The following PPARGC1B variants were observed in gnomAD, a reference collection of about 807,000 sequenced individuals.
PPARGC1B encodes the protein PPARG coactivator 1 beta, also known as peroxisome proliferator-activated receptor gamma coactivator 1-beta.
Under a neutral mutation model 101.6 loss-of-function variants are expected in PPARGC1B, and 34 were observed. That is an observed-to-expected ratio of 0.33 (90% CI 0.25 to 0.45). The LOEUF is 0.45. PPARGC1B is among the 20% of genes least tolerant of loss of function. PPARGC1B has a pLI of 1.00. For synonymous variants in PPARGC1B, 548 were observed against 539.3 expected, an observed-to-expected ratio of 1.02 and a Z score of -0.22; for missense variants, 1,234 against 1,317.6, an observed-to-expected ratio of 0.94 and a Z score of 0.98.
At chr5:149,764,019 C>T (rs1298874785) in intron 1 of PPARGC1B, among the ~76,000 whole-genome samples, 1 of 152,156 alleles carries the variant, frequency 6.6e-6, no homozygotes, top group African/African-American at 2.4e-5. Context: ...ATAGCCCCAT[C>T]AGAGACTCTA....
At chr5:149,822,866 A>G (rs1758360044) in intron 2 of PPARGC1B, among the ~76,000 whole-genome samples, 1 of 151,262 alleles carries the variant, frequency 6.6e-6, no homozygotes, top group Non-Finnish European at 1.5e-5. Flanking sequence ...TCTAGGAGCC[A>G]TAGGTTCTAG....
At position 149,836,488 on chromosome 5, in the gene PPARGC1B, A is replaced by G; in HGVS notation, c.2033A>G (p.Gln678Arg). The change falls in exon 8 of 12, where the codon CAG becomes CGG. Residue 678 changes from glutamine to arginine, a missense_variant. By Grantham distance (43) the Gln-to-Arg change is conservative. Transcript: ENST00000309241. The stretch of plus-strand genomic sequence containing the variant: ...CATGCCACAGCCCAGCCAGCCTCCC[A>G]GGCTGGCCAGAAGCGTCCCTTCTCC... The part of the protein sequence containing the change: ...LRHATAQPAS[Q>R]AGQKRPFSCS... 6.2e-7 allele frequency: 1 copy of G among 1,613,942 alleles called. No individual in the cohort carries two copies. Among genetic ancestry groups the G allele is most frequent in the Non-Finnish European group, 8.5e-7 (1 of 1,180,022 alleles).
At position 149,854,041 on chromosome 5, in the gene PPARGC1B, T is replaced by C. The variant is rs1759869612; in HGVS notation, c.*6483T>C. The stretch of plus-strand genomic sequence containing the variant: ...CCCAGGTTTCTAAAGAAGGTGTCTG[T>C]AGCCAGCCTTAATCAACTGGGCAAG... On this transcript the variant is annotated 3_prime_UTR_variant, in exon 12 of 12. Coordinates refer to ENST00000309241, the MANE Select transcript of PPARGC1B (RefSeq NM_133263.4). 1 of 152,228 alleles carries C rather than the reference T, an allele frequency of 6.6e-6. No individual in the cohort carries two copies. Among genetic ancestry groups the C allele is most frequent in the Non-Finnish European group, 1.5e-5 (1 of 68,042 alleles). 9.4% of individuals were successfully genotyped at this position (152,228 alleles called of 1,614,324 possible).
intron 1 of PPARGC1B, among the ~76,000 whole-genome samples, chr5:149,741,116 C>A (rs1475933717): frequency 6.6e-6 from 1 of 152,228 alleles, no homozygotes; most frequent in East Asian, 1.9e-4. Flanking sequence ...CCGGGTGAGC[C>A]CTGCTTGGCT....
At chr5:149,784,792 C>T (rs958473163) in intron 1 of PPARGC1B, among the ~76,000 whole-genome samples, 1 of 152,002 alleles carries the variant, frequency 6.6e-6, no homozygotes, top group African/African-American at 2.4e-5. Context: ...TGGTCTCGAT[C>T]TCCTGACCTT....
chr5:149,855,000 T>G lies in PPARGC1B; in HGVS notation c.*7442T>G, dbSNP rs528023301. ...AAACTTAACAAATACACTATGGAGA[T>G]TAAAAACAAAATACCACCCACAGCT... On this transcript the variant is annotated 3_prime_UTR_variant, in exon 12 of 12. Coordinates refer to ENST00000309241, the MANE Select transcript of PPARGC1B (RefSeq NM_133263.4). 61 of 152,330 alleles carry G rather than the reference T, an allele frequency of 4.0e-4. No homozygotes were observed. The highest frequency in any genetic ancestry group is 1.4e-3 in the African/African-American group (58 of 41,568). The allele number at this position is 152,330 out of a possible 1,614,324, so 9.4% of individuals were successfully genotyped here. A position where few individuals can be genotyped will look rare whatever the true frequency, so the allele number is the denominator to read the frequency against.
At chr5:149,801,146 C>T (rs925998823) in intron 1 of PPARGC1B, among the ~76,000 whole-genome samples, 4 of 152,152 alleles carry the variant, frequency 2.6e-5, no homozygotes, top group African/African-American at 9.7e-5. Flanking sequence ...GGCTCCTAAT[C>T]CCCTCTCCAA....
At chr5:149,749,253 C>T (rs562584040) in intron 1 of PPARGC1B, among the ~76,000 whole-genome samples, 32 of 152,274 alleles carry the variant, frequency 2.1e-4, no homozygotes, top group South Asian at 1.2e-3. Context: ...TGTGTCACTG[C>T]GAAATTCACA....
chr5:149,782,864 A>G (rs776704858), intron 1 of PPARGC1B, among the ~76,000 whole-genome samples: 67 of 152,178 alleles, frequency 4.4e-4, no homozygotes, highest in Non-Finnish European at 8.2e-4. Flanking sequence ...CAGATGTTCA[A>G]CATTCCCTCC....
intron 1 of PPARGC1B, among the ~76,000 whole-genome samples, chr5:149,738,299 A>G (rs1754798348): frequency 6.6e-6 from 1 of 152,216 alleles, no homozygotes; most frequent in South Asian, 2.1e-4. Context: ...CCACAAAGGC[A>G]AGGATTTTCG....
chr5:149,801,524 A>G (rs566052049), intron 1 of PPARGC1B, among the ~76,000 whole-genome samples: 58 of 152,302 alleles, frequency 3.8e-4, no homozygotes, highest in East Asian at 1.7e-3. Flanking sequence ...GAGTGGCAGT[A>G]GGGAGTGGGT....
intron 1 of PPARGC1B, among the ~76,000 whole-genome samples, chr5:149,754,992 C>CT (rs1445173062): frequency 6.8e-6 from 1 of 147,768 alleles, no homozygotes; most frequent in East Asian, 1.9e-4. Context: ...TATATATACA[C>CT]ACATATACAC....
At chr5:149,799,006 G>A (rs1757331369) in intron 1 of PPARGC1B, among the ~76,000 whole-genome samples, 1 of 151,308 alleles carries the variant, frequency 6.6e-6, no homozygotes, top group Non-Finnish European at 1.5e-5. Flanking sequence ...GGTGAGATAG[G>A]ACATTTGCTA....
intron 1 of PPARGC1B, among the ~76,000 whole-genome samples, chr5:149,814,205 A>G (rs922468722): frequency 6.6e-6 from 1 of 152,226 alleles, no homozygotes; most frequent in African/African-American, 2.4e-5. Flanking sequence ...CTGATCTGAA[A>G]GGATCAGTGT....
intron 8 of PPARGC1B, among the ~76,000 whole-genome samples, chr5:149,838,595 G>T (rs1011944276): frequency 1.1e-4 from 16 of 152,300 alleles, no homozygotes; most frequent in African/African-American, 3.8e-4. Flanking sequence ...GAGCTTCCCT[G>T]GTCTCCTTTC....
chr5:149,757,423 A>G lies in PPARGC1B; in HGVS notation c.78+27003A>G, dbSNP rs553805878. Among the ~76,000 whole-genome samples the G allele has an allele frequency of 2.6e-5, 4 of 152,258 alleles. No individual in the cohort carries two copies. In the South Asian group the frequency reaches 8.3e-4, roughly 32 times the overall value. On this transcript the variant is annotated intron_variant, in intron 1 of 11. Coordinates refer to ENST00000309241, the MANE Select transcript of PPARGC1B (RefSeq NM_133263.4). ...CCCTGCCTGAGGGGATGGCCAAGTC[A>G]GCCTGGGTGAGGTGAGTGGATAAGT...
At chr5:149,737,961 T>C (rs1754785787) in intron 1 of PPARGC1B, among the ~76,000 whole-genome samples, 1 of 152,016 alleles carries the variant, frequency 6.6e-6, no homozygotes, top group African/African-American at 2.4e-5. Flanking sequence ...ACTACTACAC[T>C]CCAGCTTGGG....
At position 149,842,444 on chromosome 5, in the gene PPARGC1B, G is replaced by T. The variant is rs539533503; in HGVS notation, c.2816+67G>T. 3.0e-4 allele frequency: 468 copies of T among 1,578,346 alleles called. No homozygotes were observed. The African/African-American group carries it at 5.6e-3, about 19-fold the overall frequency. ...GGGCACTGGTCCTGATCCAGAATTG[G>T]GTACCAGAAGATGCCCAAGATTTGT... On this transcript the variant is annotated intron_variant, in intron 10 of 11. Coordinates refer to ENST00000309241, the MANE Select transcript of PPARGC1B (RefSeq NM_133263.4).
At chr5:149,820,793 C>T (rs1374115206) in intron 2 of PPARGC1B, among the ~76,000 whole-genome samples, 187 bp downstream of exon 2, 1 of 152,212 alleles carries the variant, frequency 6.6e-6, no homozygotes, top group East Asian at 1.9e-4. Flanking sequence ...GCACATGCCT[C>T]ACCTGGCCCT....
Sources: gnomAD v4.1 joint callset for allele counts (sites outside exome capture counted in the v4.1 genomes callset) on GRCh38, gnomAD v4.1.1 for gene constraint, MANE v1.5 for transcripts, NCBI Gene and HGNC (gene_info 2026-07-23, HGNC 2026-07-21) for gene names.